The following GPR107 variants were observed in gnomAD, a reference collection of about 807,000 sequenced individuals.
GPR107 encodes protein GPR107.
In GPR107, 31 loss-of-function variants were observed where a neutral mutation model predicts 75.5. That is an observed-to-expected ratio of 0.41 (90% CI 0.31 to 0.55). GPR107 has a LOEUF of 0.55. Among genes scored for constraint, GPR107 ranks in the 20% least tolerant of loss-of-function variants. GPR107 has a pLI of 0.26. For synonymous variants in GPR107, 267 were observed against 251.3 expected (o/e 1.06, Z -0.59); for missense variants, 572 against 665.7 (o/e 0.86, Z 1.55).
At position 130,094,924 on chromosome 9, in the gene GPR107, A is replaced by G. The variant is rs1589507647; in HGVS notation, c.863+2543A>G. On this transcript the variant is annotated intron_variant, in intron 9 of 17. Transcript: ENST00000347136. ...TTGAACTCCTGACCTCAGGTGATCC[A>G]CCTGCCTTGGCCTCCCAAAGTGCTG... 4.6e-5 allele frequency among the ~76,000 whole-genome samples: 7 copies of G among 151,950 alleles called. No individual in the cohort carries two copies. In the South Asian group the frequency reaches 1.5e-3, roughly 32 times the overall value.
At chr9:130,085,372 G>C (rs918667765) in intron 6 of GPR107, among the ~76,000 whole-genome samples, 1 of 152,142 alleles carries the variant, frequency 6.6e-6, no homozygotes. Flanking sequence ...GGAAAGTTTT[G>C]GTTGGCGATA....
chr9:130,106,824 C>T (rs1052156586), intron 13 of GPR107, among the ~76,000 whole-genome samples: 1 of 151,910 alleles, frequency 6.6e-6, no homozygotes, highest in Admixed American at 6.6e-5. Context: ...ACCACAGCCG[C>T]CTTCCCTCAC....
intron 5 of GPR107, among the ~76,000 whole-genome samples, chr9:130,082,761 G>A (rs930102999): frequency 6.6e-6 from 1 of 152,068 alleles, no homozygotes; most frequent in African/African-American, 2.4e-5. Flanking sequence ...TTATAGGCAT[G>A]AGCCACCGCA....
intron 1 of GPR107, among the ~76,000 whole-genome samples, chr9:130,060,273 G>A (rs1038803035): frequency 1.3e-5 from 2 of 151,992 alleles, no homozygotes; most frequent in African/African-American, 4.8e-5. Context: ...CTGTTGACCG[G>A]GCTGGTCTCA....
chr9:130,125,000 T>A, intron 15 of GPR107, 36 bp downstream of exon 15: 21 of 1,035,608 alleles, frequency 2.0e-5, no homozygotes, highest in Non-Finnish European at 2.6e-5. Context: ...AATCTATAAA[T>A]AAAATCAATT....
intron 14 of GPR107, among the ~76,000 whole-genome samples, chr9:130,119,143 AG>A (rs1457499739): frequency 1.3e-5 from 2 of 152,312 alleles, no homozygotes; most frequent in East Asian, 3.9e-4. Flanking sequence ...GTGGGACCCC[AG>A]GCTGCGACCT....
chr9:130,117,766 T>TG (rs34649544), intron 14 of GPR107, among the ~76,000 whole-genome samples: 47,967 of 151,878 alleles, frequency 0.32, 7,761 homozygotes, highest in Non-Finnish European at 0.38. Flanking sequence ...GAAGAGTAGG[T>TG]GGGGGTGTTT....
chr9:130,137,959 A>G lies in GPR107; in HGVS notation c.*2838A>G, dbSNP rs1303301045. The G allele has an allele frequency of 6.6e-6, 1 of 152,198 alleles. No individual in the cohort carries two copies. Among genetic ancestry groups the G allele is most frequent in the Non-Finnish European group, 1.5e-5 (1 of 68,036 alleles). The allele number at this position is 152,198 out of a possible 1,614,324, so 9.4% of individuals were successfully genotyped here. The stretch of plus-strand genomic sequence containing the variant: ...GTTTCCTCTGAGAAATCTGTTGTGG[A>G]CTGAAAGCGCTGCTGGCTGTGAAAT... On this transcript the variant is annotated 3_prime_UTR_variant, in exon 18 of 18. Coordinates refer to ENST00000347136, the MANE Select transcript of GPR107 (RefSeq NM_020960.5).
intron 14 of GPR107, chr9:130,110,571 C>T (rs1484931298): frequency 2.0e-5 from 13 of 642,102 alleles, no homozygotes; most frequent in Non-Finnish European, 5.8e-6. Context: ...GTTCTTTTCC[C>T]TGAATTGATT....
intron 7 of GPR107, among the ~76,000 whole-genome samples, chr9:130,089,016 A>G (rs996697780): frequency 1.3e-5 from 2 of 151,846 alleles, no homozygotes; most frequent in South Asian, 4.2e-4. Flanking sequence ...AAATACAAAA[A>G]ATTAGCTGGG....
rs146591948 is a variant in GPR107, at chr9:130,135,113, G to T, written c.1651G>T (p.Ala551Ser). The change falls in exon 18 of 18, where the codon GCC (alanine) becomes TCC (serine). Residue 551 changes from alanine to serine, a missense_variant. By Grantham distance (99) the Ala-to-Ser change is moderately conservative (BLOSUM62 1). Coordinates refer to ENST00000347136, the MANE Select transcript of GPR107 (RefSeq NM_020960.5). ...GGAGCCCCAGGGCGAGTGGGAAGGC[G>T]CCGTGTGACAGAGCCGACCCTGAGG... ...SVEPQGEWEG[A>S]V 15 of 1,593,256 alleles carry T rather than the reference G, an allele frequency of 9.4e-6. No individual in the cohort carries two copies. The highest frequency in any genetic ancestry group is 1.3e-5 in the Non-Finnish European group (15 of 1,164,078).
chr9:130,059,494 A>T (rs760420802), intron 1 of GPR107, among the ~76,000 whole-genome samples: 13 of 152,296 alleles, frequency 8.5e-5, no homozygotes, highest in African/African-American at 2.6e-4. Flanking sequence ...ATCTCAAAAA[A>T]AAATAAATAA....
chr9:130,057,501 TAAAAAA>T (rs5900883), intron 1 of GPR107, among the ~76,000 whole-genome samples: 1 of 134,920 alleles, frequency 7.4e-6, no homozygotes, highest in Non-Finnish European at 1.6e-5. Context: ...CCCTATTTCT[TAAAAAA>T]AAAAAAAAAA....
At chr9:130,108,369 C>G (rs376510416) in intron 14 of GPR107, among the ~76,000 whole-genome samples, 5 of 152,214 alleles carry the variant, frequency 3.3e-5, no homozygotes, top group African/African-American at 1.2e-4. Flanking sequence ...AATGTAGATT[C>G]ATTTTAGAAA....
At chr9:130,124,094 C>T (rs145757952) in intron 14 of GPR107, among the ~76,000 whole-genome samples, 44 of 152,360 alleles carry the variant, frequency 2.9e-4, no homozygotes, top group African/African-American at 1.1e-3. Flanking sequence ...GCTCCTCCCT[C>T]CCCGACAACT....
chr9:130,075,102 C>G (rs1830310574), intron 1 of GPR107, among the ~76,000 whole-genome samples: 1 of 152,016 alleles, frequency 6.6e-6, no homozygotes, highest in African/African-American at 2.4e-5. Context: ...CTGTTGATAT[C>G]TTTTGGATTT....
In GPR107 at chr9:130,094,313, A is replaced by G. The variant is rs1270899750; in HGVS notation, c.863+1932A>G. 1.3e-5 allele frequency among the ~76,000 whole-genome samples: 2 copies of G among 152,266 alleles called. 1 individual carries two copies. The highest frequency in any genetic ancestry group is 4.2e-4 in the South Asian group (2 of 4,814). On this transcript the variant is annotated intron_variant, in intron 9 of 17. Coordinates refer to ENST00000347136, the MANE Select transcript of GPR107 (RefSeq NM_020960.5). ...CAAAAAATTAGCTGGGCGTGGTGGC[A>G]GGTGCCTATAGTCCCAGCTACTCAG...
At chr9:130,055,548 G>C (rs1475926509) in intron 1 of GPR107, among the ~76,000 whole-genome samples, 2 of 149,114 alleles carry the variant, frequency 1.3e-5, no homozygotes, top group South Asian at 2.1e-4. Context: ...AAAAAAAGAA[G>C]TGGAACTGTA....
intron 1 of GPR107, among the ~76,000 whole-genome samples, chr9:130,062,441 A>AATAATAAT (rs1564657445): frequency 6.7e-6 from 1 of 148,868 alleles, no homozygotes; most frequent in Non-Finnish European, 1.5e-5. Flanking sequence ...TAATAATAAT[A>AATAATAAT]ATAATAATAA....
Sources: allele counts gnomAD v4.1 joint callset (sites outside exome capture counted in the v4.1 genomes callset), GRCh38; gene constraint gnomAD v4.1.1; transcripts MANE v1.5; gene names NCBI Gene and HGNC (gene_info 2026-07-23, HGNC 2026-07-21).